The following FRMD6 variants were observed in gnomAD, a reference collection of about 807,000 sequenced individuals.
FRMD6 encodes FERM domain-containing protein 6.
In FRMD6, 37 loss-of-function variants were observed where a neutral mutation model predicts 73.2. The observed-to-expected ratio is 0.51, with a 90% CI of 0.39 to 0.66. The LOEUF (loss-of-function observed/expected upper bound fraction) is 0.66. Ranked by LOEUF, FRMD6 falls within the 30% of genes least tolerant of loss-of-function variation. The pLI is 0.00. For missense variants in FRMD6, 714 were observed against 780.5 expected (o/e 0.91, Z 1.02); for synonymous variants, 273 against 282.2 (o/e 0.97, Z 0.33).
intron 2 of FRMD6, among the ~76,000 whole-genome samples, chr14:51,571,981 C>T (rs1446996792): frequency 6.6e-6 from 1 of 152,230 alleles, no homozygotes. Context: ...CCCCACTAGA[C>T]CAGCAGCAAC....
chr14:51,685,378 C>T (rs1895081548), intron 1 of FRMD6, among the ~76,000 whole-genome samples: 1 of 152,128 alleles, frequency 6.6e-6, no homozygotes. Flanking sequence ...GTACTCTGGG[C>T]CTATTTTTCT....
rs113951887 is a variant in FRMD6 at position 51,511,335 on chromosome 14, A to G, written c.-210+21915A>G. Reference sequence around the variant, plus strand: ...GAGGCCAGTGGCCATGAACTGAAATAAAGAAGAAAGAAATTCTGATAATAT... The same window carrying G: ...GAGGCCAGTGGCCATGAACTGAAATGAAGAAGAAAGAAATTCTGATAATAT... On this transcript the variant is annotated intron_variant, in intron 1 of 14. Coordinates refer to the FRMD6 transcript ENST00000356218. Among the ~76,000 whole-genome samples, 678 of 152,376 alleles carry G rather than the reference A, an allele frequency of 4.4e-3. 3 individuals are homozygous for G. The highest frequency in any genetic ancestry group is 0.016 in the African/African-American group (655 of 41,584).
intron 2 of FRMD6, among the ~76,000 whole-genome samples, chr14:51,611,393 C>G (rs1362426928): frequency 6.6e-6 from 1 of 152,116 alleles, no homozygotes; most frequent in African/African-American, 2.4e-5. Flanking sequence ...TTCCATGGCT[C>G]TTGAACACAT....
At chr14:51,709,702 T>A (rs1386555984) in intron 7 of FRMD6, among the ~76,000 whole-genome samples, 1 of 152,180 alleles carries the variant, frequency 6.6e-6, no homozygotes, top group East Asian at 1.9e-4. Flanking sequence ...GAGATTTTAT[T>A]TGTGACACCT....
At chr14:51,587,720 C>T (rs573969147) in intron 2 of FRMD6, among the ~76,000 whole-genome samples, 286 of 152,212 alleles carry the variant, frequency 1.9e-3, no homozygotes, top group Non-Finnish European at 3.1e-3. Flanking sequence ...GCAGACCCAT[C>T]TAGACATTTT....
At chr14:51,587,064 T>A (rs776310108) in intron 2 of FRMD6, among the ~76,000 whole-genome samples, 4 of 152,332 alleles carry the variant, frequency 2.6e-5, no homozygotes, top group Non-Finnish European at 5.9e-5. Flanking sequence ...CCCAAGTTCA[T>A]CTTTTTCTAT....
chr14:51,604,431 TG>T, intron 2 of FRMD6, among the ~76,000 whole-genome samples: 1 of 152,272 alleles, frequency 6.6e-6, no homozygotes, highest in African/African-American at 2.4e-5. Flanking sequence ...TTATTATTAG[TG>T]TGCTTTCAAG....
chr14:51,725,173 A>G (rs1381103037), intron 12 of FRMD6, among the ~76,000 whole-genome samples: 1 of 152,152 alleles, frequency 6.6e-6, no homozygotes, highest in Admixed American at 6.5e-5. Context: ...TCACTGTGTA[A>G]TTATTAAAAC....
intron 2 of FRMD6, among the ~76,000 whole-genome samples, chr14:51,623,395 C>T (rs555566237): frequency 6.6e-6 from 1 of 152,284 alleles, no homozygotes; most frequent in African/African-American, 2.4e-5. Context: ...CTGAATGCCA[C>T]AGATCCAAAT....
At position 51,602,108 on chromosome 14, in the gene FRMD6, C is replaced by A. The variant is rs139910291; in HGVS notation, c.-147+31698C>A. ...GGAAATTCTCAAAGGGAGAGTTGATCCCCACTAATCACTCTTTAATGTGAA... is the reference window on the plus strand; with the variant it reads ...GGAAATTCTCAAAGGGAGAGTTGATACCCACTAATCACTCTTTAATGTGAA... On this transcript the variant is annotated intron_variant, in intron 2 of 14. Transcript: ENST00000356218. Among the ~76,000 whole-genome samples the A allele has an allele frequency of 6.0e-3, 913 of 152,254 alleles. 12 individuals carry two copies. Among genetic ancestry groups the A allele is most frequent in the African/African-American group, 0.02 (851 of 41,550 alleles).
At chr14:51,450,815 G>T in the FRMD6 span, among the ~76,000 whole-genome samples, 6 of 152,170 alleles carry the variant, frequency 3.9e-5, no homozygotes, top group Non-Finnish European at 8.8e-5. Flanking sequence ...ACAAATGTTT[G>T]TTGAGGTCTG....
intron 1 of FRMD6, among the ~76,000 whole-genome samples, chr14:51,527,232 A>G (rs934871656): frequency 1.3e-5 from 2 of 152,280 alleles, no homozygotes; most frequent in Non-Finnish European, 2.9e-5. Context: ...AAGGCCATGC[A>G]TTAGTCATCA....
intron 1 of FRMD6, among the ~76,000 whole-genome samples, chr14:51,503,692 T>G (rs1169136647): frequency 9.3e-5 from 14 of 150,794 alleles, no homozygotes; most frequent in Non-Finnish European, 1.9e-4. Context: ...TTTTTTTTTT[T>G]TGTATCTCTG....
intron 1 of FRMD6, among the ~76,000 whole-genome samples, chr14:51,565,892 C>T (rs773914496): frequency 2.1e-4 from 32 of 152,156 alleles, no homozygotes; most frequent in Non-Finnish European, 3.8e-4. Context: ...TGGCCGGGCA[C>T]GGTGGCTCAC....
At chr14:51,485,782 T>C (rs1882749373), upstream of FRMD6, among the ~76,000 whole-genome samples, 1 of 152,248 alleles carries the variant, frequency 6.6e-6, no homozygotes, top group Admixed American at 6.5e-5. Context: ...TATGTCTTCA[T>C]ATTTTATTTA....
the FRMD6 span, chr14:51,436,876 T>G: frequency 1.2e-6 from 1 of 813,684 alleles, no homozygotes; most frequent in Non-Finnish European, 1.9e-6. Flanking sequence ...TAGAAGGTAT[T>G]GATGAAGAAG....
intron 3 of FRMD6, among the ~76,000 whole-genome samples, chr14:51,698,663 A>G (rs1001142118): frequency 7.2e-5 from 11 of 152,036 alleles, no homozygotes; most frequent in Non-Finnish European, 1.6e-4. Context: ...ATAGTATCAC[A>G]AAGTAATTAT....
In FRMD6 at chr14:51,585,939, G is replaced by GTGTGTGTGTGTATATATATATA; in HGVS notation, c.-147+15530_-147+15531insGTGTGTGTGTATATATATATAT. On this transcript the variant is annotated intron_variant, in intron 2 of 14. Transcript: ENST00000356218. ...TGCCATGGCATGTGTGTGTGTGTGT[G>GTGTGTGTGTGTATATATATATA]TATATATATATATATATATATAACA... is the stretch of plus-strand genomic sequence containing the variant. Among the ~76,000 whole-genome samples, 3 of 31,400 alleles carry GTGTGTGTGTGTATATATATATA rather than the reference G, an allele frequency of 9.6e-5. 1 individual carries two copies. The highest frequency in any genetic ancestry group is 2.1e-4 in the African/African-American group (3 of 14,612). The allele number at this position is 31,400 out of a possible 152,430, so 20.6% of individuals were successfully genotyped here.
At chr14:51,535,269 A>G (rs1459752785) in intron 1 of FRMD6, among the ~76,000 whole-genome samples, 1 of 152,234 alleles carries the variant, frequency 6.6e-6, no homozygotes, top group African/African-American at 2.4e-5. Context: ...AAATATATTC[A>G]CAGTACGTAC....
Sources: gnomAD v4.1 joint callset for allele counts (sites outside exome capture counted in the v4.1 genomes callset) on GRCh38, gnomAD v4.1.1 for gene constraint, MANE v1.5 for transcripts, NCBI Gene and HGNC (gene_info 2026-07-23, HGNC 2026-07-21) for gene names.